The following LRP10 variants were observed in gnomAD, a reference collection of about 807,000 sequenced individuals.
LRP10 encodes the protein low-density lipoprotein receptor-related protein 10.
Under a neutral mutation model 58.5 loss-of-function variants are expected in LRP10, and 42 were observed. The ratio of observed to expected loss-of-function variants is 0.72; its 90% CI spans 0.56 to 0.93. The LOEUF is 0.93. Ranked by LOEUF, LRP10 falls within the 40% of genes least tolerant of loss-of-function variation. The probability of loss-of-function intolerance (pLI) is 0.00; values close to 1 mark genes in which losing one functional copy is unlikely to be tolerated. For synonymous variants in LRP10, 377 were observed against 388.5 expected (o/e 0.97, Z 0.35); for missense variants, 872 against 940.1 (o/e 0.93, Z 0.95).
intron 2 of LRP10, 30 bp from the exon 3 acceptor site, chr14:22,873,281 A>C (rs1032550759): frequency 6.2e-7 from 1 of 1,602,344 alleles, no homozygotes; most frequent in East Asian, 2.2e-5. Context: ...GGGGCTGTCT[A>C]CTACCCGTGT....
In LRP10 at chr14:22,877,618, C is replaced by A; in HGVS notation, c.*91C>A. 2 of 947,180 alleles carry A rather than the reference C, an allele frequency of 2.1e-6. No homozygotes were observed. Among genetic ancestry groups the A allele is most frequent in the Non-Finnish European group, 3.0e-6 (2 of 658,216 alleles). The allele number at this position is 947,180 out of a possible 1,614,324, so 58.7% of individuals were successfully genotyped here. On this transcript the variant is annotated 3_prime_UTR_variant, in exon 7 of 7. Coordinates refer to ENST00000359591, the MANE Select transcript of LRP10 (RefSeq NM_014045.5). The surrounding 1 kb of genome is among the most constrained non-coding windows in gnomAD (Gnocchi z 5.1). ...AGAGGTGGGTCAGCCTCCCCTCCAC[C>A]ACTTCCTTCCCTGTCCCTGGATTTC...
At position 22,880,613 on chromosome 14, in the gene LRP10, A is replaced by G. The variant is rs2138793589; in HGVS notation, c.*3086A>G. ...AAATAAATAAATAGATTTAAAAAAA[A>G]AATCATGGGCCTGAACCAAGCTCCA... On this transcript the variant is annotated 3_prime_UTR_variant, in exon 7 of 7. Coordinates refer to ENST00000359591, the MANE Select transcript of LRP10 (RefSeq NM_014045.5). 6.6e-6 allele frequency: 1 copy of G among 152,216 alleles called. No individual in the cohort carries two copies. 9.4% of individuals were successfully genotyped at this position (152,216 alleles called of 1,614,324 possible).
Position 22,875,643 on chromosome 14 carries a change from T to C in LRP10, c.695T>C (p.Leu232Pro). 6.2e-7 allele frequency: 1 copy of C among 1,614,142 alleles called. No homozygotes were observed. Among genetic ancestry groups the C allele is most frequent in the East Asian group, 2.2e-5 (1 of 44,880 alleles). ...CTGGACCCCCATGATGGCCGGCGGC[T>C]GGCCGTGCGCTTCACAGCCCTGGAC... is the stretch of plus-strand genomic sequence containing the variant. ...WLLDPHDGRR[L>P]AVRFTALDLG... The change falls in exon 5 of 7, where the codon CTG becomes CCG. Residue 232 changes from leucine to proline, a missense_variant. Physicochemically the swap from Leu to Pro is moderately conservative, Grantham distance 98. Transcript: ENST00000359591.
Position 22,877,434 on chromosome 14 carries a change from G to A in LRP10, c.2049G>A (p.Leu683=). ...RSPPGPHTAV[L]ALEDEDDVLL... Reference sequence around the variant, plus strand: ...CCCCTGGACCCCACACAGCAGTCCTGGCCCTGGAAGATGAGGACGATGTGC... The same window carrying A: ...CCCCTGGACCCCACACAGCAGTCCTAGCCCTGGAAGATGAGGACGATGTGC... The change falls in exon 7 of 7, where the codon CTG becomes CTA. Residue 683 remains leucine, a synonymous_variant. Transcript: ENST00000359591. The surrounding 1 kb of genome is among the most constrained non-coding windows in gnomAD (Gnocchi z 5.1). 1 of 1,613,736 alleles carries A rather than the reference G, an allele frequency of 6.2e-7. No homozygotes were observed. Among genetic ancestry groups the A allele is most frequent in the Non-Finnish European group, 8.5e-7 (1 of 1,179,932 alleles).
At position 22,875,118 on chromosome 14, in the gene LRP10, A is replaced by G; in HGVS notation, c.279A>G (p.Pro93=). ...TAACCCTACGCTCCCCTCTCCAGCC[A>G]CTGATCTCCCTGTGTGAGGCACCTC... ...ERLTLRSPLQ[P]LISLCEAPPS... Residue 93 remains proline (P), a synonymous_variant, in exon 4 of 7, where the codon CCA becomes CCG. Transcript: ENST00000359591. 1.2e-6 allele frequency: 2 copies of G among 1,612,796 alleles called. No homozygotes were observed. Among genetic ancestry groups the G allele is most frequent in the East Asian group, 4.5e-5 (2 of 44,852 alleles).
In LRP10 at chr14:22,877,175, G is replaced by A. The variant is rs1440462319; in HGVS notation, c.1790G>A (p.Gly597Asp). Residue 597 changes from glycine (G) to aspartate (D), a missense_variant, in exon 7 of 7, where the codon GGT becomes GAT. Physicochemically the swap from Gly to Asp is moderately conservative, Grantham distance 94. Coordinates refer to ENST00000359591, the MANE Select transcript of LRP10 (RefSeq NM_014045.5). The surrounding 1 kb of genome is among the most constrained non-coding windows in gnomAD (Gnocchi z 5.1). ...CTTGAGGCCCTAGATGGTGGCACAG[G>A]TCCAGCCCGTGAGGGCGGGGCAGTG... ...APLEALDGGT[G>D]PAREGGAVGG... 1 of 1,601,102 alleles carries A rather than the reference G, an allele frequency of 6.2e-7. No homozygotes were observed. Among genetic ancestry groups the A allele is most frequent in the East Asian group, 2.2e-5 (1 of 44,822 alleles).
Position 22,875,838 on chromosome 14 carries a change from G to C in LRP10, c.890G>C (p.Gly297Ala), listed in dbSNP as rs2039998436. 2 of 1,614,074 alleles carry C rather than the reference G, an allele frequency of 1.2e-6. No homozygotes were observed. The highest frequency in any genetic ancestry group is 8.5e-7 in the Non-Finnish European group (1 of 1,179,992). Reference protein sequence around the residue: ...YHTVAWSNGRGFNATYHVRGY... With the variant: ...YHTVAWSNGRAFNATYHVRGY... ...ACAGTTGCTTGGAGCAATGGTCGTG[G>C]CTTCAATGCCACCTACCATGTGCGG... Residue 297 changes from glycine to alanine, a missense_variant, in exon 5 of 7, where the codon GGC becomes GCC. Gly to Ala is a moderately conservative substitution (Grantham distance 60). Coordinates refer to ENST00000359591, the MANE Select transcript of LRP10 (RefSeq NM_014045.5).
At chr14:22,873,136 A>G in intron 2 of LRP10, 175 bp from the exon 3 acceptor site, 1 of 717,232 alleles carries the variant, frequency 1.4e-6, no homozygotes, top group Non-Finnish European at 2.3e-6. Flanking sequence ...AAGAATGTGG[A>G]GAGAAAGAGC....
rs111380346 is a variant in LRP10, at chr14:22,875,246, G to A, written c.406+1G>A. 1 of 1,591,764 alleles carries A rather than the reference G, an allele frequency of 6.3e-7. No homozygotes were observed. On this transcript the variant is annotated splice_donor_variant, in intron 4 of 6. Transcript: ENST00000359591. LOFTEE classifies it high-confidence loss of function. ...GGCTTCCTGCTCTCCTACAGCCAAG[G>A]TAGGCTGGACAGGGATGTCTGAGGA... is the stretch of plus-strand genomic sequence containing the variant.
chr14:22,872,176 A>G lies in LRP10; in HGVS notation c.-128A>G, dbSNP rs2138775003. 4.2e-6 allele frequency: 4 copies of G among 950,204 alleles called. No homozygotes were observed. The highest frequency in any genetic ancestry group is 2.6e-5 in the South Asian group (2 of 76,506). The allele number at this position is 950,204 out of a possible 1,614,324, so 58.9% of individuals were successfully genotyped here. A position where few individuals can be genotyped will look rare whatever the true frequency, so the allele number is the denominator to read the frequency against. On this transcript the variant is annotated 5_prime_UTR_variant, in exon 1 of 7. Transcript: ENST00000359591. The stretch of plus-strand genomic sequence containing the variant: ...GCCCTGGCATCCAGAGTACGGGTCG[A>G]GCCCGGGCCATGGAGCCCCCCTGGG...
chr14:22,879,298 T>G lies in LRP10; in HGVS notation c.*1771T>G. On this transcript the variant is annotated 3_prime_UTR_variant, in exon 7 of 7. Coordinates refer to ENST00000359591, the MANE Select transcript of LRP10 (RefSeq NM_014045.5). ...CAGGGAAGACCCGAGCTCCTTTCAC[T>G]GCAGACCCTCTCCAGAGACTGGGGA... 2.3e-6 allele frequency: 1 copy of G among 438,948 alleles called. No homozygotes were observed. Among genetic ancestry groups the G allele is most frequent in the Non-Finnish European group, 4.7e-6 (1 of 213,958 alleles). 27.2% of individuals were successfully genotyped at this position (438,948 alleles called of 1,614,324 possible).
At position 22,876,157 on chromosome 14, in the gene LRP10, T is replaced by C. The variant is rs1420000132; in HGVS notation, c.1209T>C (p.Asn403=). ...GCTGTCGGCATTGCCAGCCTGGCAA[T>C]TTCCGATGCCGGGACGAGAAGTGCG... ...ERRCRHCQPG[N]FRCRDEKCVY... is the part of the protein sequence containing the mutation. Residue 403 remains asparagine (N), a synonymous_variant, in exon 5 of 7, where the codon AAT becomes AAC. Transcript: ENST00000359591. The C allele has an allele frequency of 5.0e-6, 8 of 1,614,106 alleles. No individual in the cohort carries two copies. In the African/African-American group the frequency reaches 1.1e-4, roughly 22 times the overall value.
At position 22,877,152 on chromosome 14, in the gene LRP10, T is replaced by C; in HGVS notation, c.1767T>C (p.Leu589=). 1 of 1,607,502 alleles carries C rather than the reference T, an allele frequency of 6.2e-7. No homozygotes were observed. The highest frequency in any genetic ancestry group is 1.1e-5 in the South Asian group (1 of 90,162). ...AGGTCACACCTTCTGCTGCTCCCCT[T>C]GAGGCCCTAGATGGTGGCACAGGTC... The part of the protein sequence containing the change: ...RSQVTPSAAP[L]EALDGGTGPA... The change falls in exon 7 of 7, where the codon CTT becomes CTC. Residue 589 remains leucine (L), a synonymous_variant. Transcript: ENST00000359591. This position sits in a 1 kb window ranked among gnomAD's most constrained non-coding sequence, Gnocchi z 5.1.
In LRP10 at chr14:22,876,964, T is replaced by A; in HGVS notation, c.1579T>A (p.Ser527Thr). 6.3e-7 allele frequency: 1 copy of A among 1,592,998 alleles called. No homozygotes were observed. Among genetic ancestry groups the A allele is most frequent in the Non-Finnish European group, 8.6e-7 (1 of 1,167,808 alleles). ...GAACTCAGTGCTGGGCAACCTGCGT[T>A]CTCTGCTACAGATCTTACGCCAGGA... ...NDNSVLGNLR[S>T]LLQILRQDMT... Residue 527 changes from serine (S) to threonine (T), a missense_variant, in exon 7 of 7, where the codon TCT becomes ACT. Transcript: ENST00000359591.
Position 22,876,131 on chromosome 14 carries a change from C to T in LRP10, c.1183C>T (p.Arg395Cys), listed in dbSNP as rs199538522. The T allele has an allele frequency of 4.6e-5, 74 of 1,614,194 alleles. No homozygotes were observed. In the Middle Eastern group the frequency reaches 4.9e-4, roughly 11 times the overall value. Reference sequence around the variant, plus strand: ...CTGTGCTGATGGAGCAGATGAGAGACGCTGTCGGCATTGCCAGCCTGGCAA... The same window carrying T: ...CTGTGCTGATGGAGCAGATGAGAGATGCTGTCGGCATTGCCAGCCTGGCAA... The part of the protein sequence containing the change: ...TFCADGADER[R>C]CRHCQPGNFR... Residue 395 changes from arginine (R) to cysteine (C), a missense_variant, in exon 5 of 7, where the codon CGC becomes TGC. Arg to Cys is a radical substitution (Grantham distance 180, BLOSUM62 -3). Transcript: ENST00000359591.
chr14:22,873,564 AC>A, intron 3 of LRP10, 118 bp downstream of exon 3: 1 of 1,308,356 alleles, frequency 7.6e-7, no homozygotes, highest in Non-Finnish European at 1.0e-6. Flanking sequence ...CACTCTTGTC[AC>A]CCGGGCTGGA....
At position 22,876,054 on chromosome 14, in the gene LRP10, C is replaced by T. The variant is rs751939027; in HGVS notation, c.1106C>T (p.Ser369Phe). The T allele has an allele frequency of 1.8e-5, 29 of 1,613,034 alleles. No homozygotes were observed. Among genetic ancestry groups the T allele is most frequent in the Non-Finnish European group, 2.3e-5 (27 of 1,179,604 alleles). The change falls in exon 5 of 7, where the codon TCT becomes TTT. Residue 369 changes from serine (S) to phenylalanine (F), a missense_variant. Physicochemically the swap from Ser to Phe is radical, Grantham distance 155. Transcript: ENST00000359591. ...GHFPCGAAGT[S>F]GATACYLPAD... ...TTCCCCTGTGGGGCTGCTGGCACCT[C>T]TGGTGCCACAGCCTGCTACCTGCCT...
chr14:22,876,765 G>T lies in LRP10; in HGVS notation c.1501G>T (p.Ala501Ser), dbSNP rs116010131. ...ACCCCCTTCCTACGGGCAGCTCATTGCCCAGGGTGCCATCCCACCTGTAGA... is the reference window on the plus strand; with the variant it reads ...ACCCCCTTCCTACGGGCAGCTCATTTCCCAGGGTGCCATCCCACCTGTAGA... ...QAPPSYGQLI[A>S]QGAIPPVEDF... Residue 501 changes from alanine to serine, a missense_variant, in exon 6 of 7, where the codon GCC (alanine) becomes TCC (serine). By Grantham distance (99) the Ala-to-Ser change is moderately conservative (BLOSUM62 1). Transcript: ENST00000359591. 3,093 of 1,613,772 alleles carry T rather than the reference G, an allele frequency of 1.9e-3. 52 individuals are homozygous for T. The African/African-American group carries it at 0.035, about 19-fold the overall frequency.
rs369797465 is a variant in LRP10, at chr14:22,872,230, G to C, written c.-74G>C. 190 of 1,546,322 alleles carry C rather than the reference G, an allele frequency of 1.2e-4. No homozygotes were observed. The African/African-American group carries it at 1.3e-3, about 11-fold the overall frequency. On this transcript the variant is annotated 5_prime_UTR_variant, in exon 1 of 7. Coordinates refer to ENST00000359591, the MANE Select transcript of LRP10 (RefSeq NM_014045.5). ...GCGGCACCAGGGAGCCTGGGCGCCCGGGGCTCCGCCGCGACCCCATCGGGT... is the reference window on the plus strand; with the variant it reads ...GCGGCACCAGGGAGCCTGGGCGCCCCGGGCTCCGCCGCGACCCCATCGGGT...
Sources: allele counts gnomAD v4.1 joint callset, GRCh38; gene constraint gnomAD v4.1.1; non-coding constraint Gnocchi (gnomAD v3.1); transcripts MANE v1.5; gene names NCBI Gene and HGNC (gene_info 2026-07-23, HGNC 2026-07-21).